The following ABRAXAS2 variants were observed in gnomAD, a reference collection of about 807,000 sequenced individuals.
The protein encoded by ABRAXAS2 is BRISC complex subunit Abraxas 2.
In ABRAXAS2, 23 loss-of-function variants were observed where a neutral mutation model predicts 49.0. That is an observed-to-expected ratio of 0.47 (90% CI 0.34 to 0.66). The LOEUF (loss-of-function observed/expected upper bound fraction) is 0.66. Ranked by LOEUF, ABRAXAS2 falls within the 30% of genes least tolerant of loss-of-function variation. The probability of loss-of-function intolerance (pLI) is 0.01; values close to 1 mark genes in which losing one functional copy is unlikely to be tolerated. For synonymous variants in ABRAXAS2, 168 were observed against 180.2 expected, an observed-to-expected ratio of 0.93 and a Z score of 0.54; for missense variants, 443 against 511.9, an observed-to-expected ratio of 0.87 and a Z score of 1.30.
At chr10:124,827,141 CA>C (rs904518729) in intron 5 of ABRAXAS2, among the ~76,000 whole-genome samples, 2 of 143,162 alleles carry the variant, frequency 1.4e-5, no homozygotes, top group Non-Finnish European at 3.0e-5. Flanking sequence ...TTCGTGACTT[CA>C]AAAATGTGCA....
chr10:124,817,303 G>T (rs1950830910), intron 3 of ABRAXAS2, among the ~76,000 whole-genome samples: 1 of 152,108 alleles, frequency 6.6e-6, no homozygotes, highest in South Asian at 2.1e-4. Context: ...AAGAAATAAA[G>T]GGAGAAACGT....
chr10:124,829,519 C>T, intron 7 of ABRAXAS2, 42 bp downstream of exon 7: 2 of 1,340,344 alleles, frequency 1.5e-6, no homozygotes, highest in South Asian at 1.3e-5. Context: ...TTTGTCTTGC[C>T]CAAAAGCTTT....
intron 2 of ABRAXAS2, among the ~76,000 whole-genome samples, chr10:124,808,790 A>G (rs1195528688): frequency 1.3e-5 from 2 of 152,188 alleles, no homozygotes; most frequent in Non-Finnish European, 2.9e-5. Flanking sequence ...GCCTGTTCAT[A>G]TGACTAAAAT....
chr10:124,833,626 C>A (rs975115480), intron 8 of ABRAXAS2, among the ~76,000 whole-genome samples: 4 of 152,196 alleles, frequency 2.6e-5, no homozygotes, highest in African/African-American at 9.7e-5. Flanking sequence ...CTGATACTTA[C>A]AATTTAGTTC....
intron 2 of ABRAXAS2, among the ~76,000 whole-genome samples, chr10:124,816,108 G>A (rs747452961): frequency 4.5e-4 from 68 of 151,686 alleles, no homozygotes; most frequent in Non-Finnish European, 8.7e-4. Context: ...TCACCATGTT[G>A]GCCAGACTGG....
chr10:124,803,520 T>C (rs761668244), intron 1 of ABRAXAS2, among the ~76,000 whole-genome samples: 1 of 152,242 alleles, frequency 6.6e-6, no homozygotes, highest in Non-Finnish European at 1.5e-5. Context: ...GTAAACTTTG[T>C]AGGCTTTGTA....
chr10:124,826,025 G>C (rs1950894195), intron 4 of ABRAXAS2, among the ~76,000 whole-genome samples: 1 of 152,184 alleles, frequency 6.6e-6, no homozygotes, highest in Admixed American at 6.5e-5. Flanking sequence ...TCATTAGCCA[G>C]TTTAGTTATG....
intron 2 of ABRAXAS2, among the ~76,000 whole-genome samples, chr10:124,816,302 A>G (rs900349493): frequency 2.0e-5 from 3 of 152,216 alleles, no homozygotes; most frequent in Non-Finnish European, 2.9e-5. Context: ...AAGGTACACA[A>G]TAGCTGCGTA....
chr10:124,828,918 A>G (rs1485260304), intron 6 of ABRAXAS2, 43 bp downstream of exon 6: 6 of 1,596,676 alleles, frequency 3.8e-6, no homozygotes, highest in East Asian at 2.2e-5. Flanking sequence ...TTTGTCAGCA[A>G]TATTTCTTTT....
intron 4 of ABRAXAS2, among the ~76,000 whole-genome samples, chr10:124,822,227 AG>A (rs1950866195): frequency 6.6e-6 from 1 of 152,198 alleles, no homozygotes. Context: ...CTTACAAAGA[AG>A]GAGAGAGGTT....
chr10:124,821,569 GAAA>G (rs552390065), intron 4 of ABRAXAS2, among the ~76,000 whole-genome samples: 1 of 146,660 alleles, frequency 6.8e-6, no homozygotes, highest in African/African-American at 2.5e-5. Flanking sequence ...CCCTGCCTTG[GAAA>G]AAAAAAAGAA....
intron 1 of ABRAXAS2, among the ~76,000 whole-genome samples, chr10:124,805,904 G>T (rs1007352266): frequency 6.6e-6 from 1 of 152,168 alleles, no homozygotes; most frequent in Non-Finnish European, 1.5e-5. Flanking sequence ...CTGTGCTTGT[G>T]CAGAACATGG....
chr10:124,826,931 G>A (rs1342675203), intron 5 of ABRAXAS2, 146 bp downstream of exon 5: 1 of 784,664 alleles, frequency 1.3e-6, no homozygotes, highest in Non-Finnish European at 2.0e-6. Flanking sequence ...GGCCAACATG[G>A]TGAAATTCAA....
intron 5 of ABRAXAS2, among the ~76,000 whole-genome samples, 169 bp from the exon 6 acceptor site, chr10:124,828,587 T>TG (rs1400135935): frequency 1.3e-5 from 2 of 152,032 alleles, no homozygotes; most frequent in East Asian, 3.9e-4. Context: ...AGGCTGGCGT[T>TG]GGTCTCGAAC....
chr10:124,817,441 C>A (rs1190777865), intron 3 of ABRAXAS2, among the ~76,000 whole-genome samples: 1 of 152,148 alleles, frequency 6.6e-6, no homozygotes, highest in African/African-American at 2.4e-5. Flanking sequence ...TCTTTCTCAG[C>A]CCCAAACCCT....
intron 1 of ABRAXAS2, among the ~76,000 whole-genome samples, chr10:124,802,229 G>A (rs1430853081): frequency 6.6e-6 from 1 of 152,168 alleles, no homozygotes; most frequent in African/African-American, 2.4e-5. Flanking sequence ...CTCCCTGAAA[G>A]TCAGGCTTCT....
chr10:124,824,302 G>T (rs1041629995), intron 4 of ABRAXAS2, among the ~76,000 whole-genome samples: 2 of 152,188 alleles, frequency 1.3e-5, no homozygotes, highest in Non-Finnish European at 2.9e-5. Context: ...TTGGGAGGCC[G>T]AGGCTGGCAG....
In ABRAXAS2 at chr10:124,829,086, C is replaced by T. The variant is rs146206933; in HGVS notation, c.578+211C>T. On this transcript the variant is annotated intron_variant, in intron 6 of 8. Transcript: ENST00000298492. Reference sequence around the variant, plus strand: ...GTTTACTTTTATGAATTTTTTAAATCATTTGCCACAATATTTTTTGTAATT... The same window carrying T: ...GTTTACTTTTATGAATTTTTTAAATTATTTGCCACAATATTTTTTGTAATT... Among the ~76,000 whole-genome samples, 15 of 152,280 alleles carry T rather than the reference C, an allele frequency of 9.9e-5. No homozygotes were observed. The East Asian group carries it at 1.2e-3, about 12-fold the overall frequency.
chr10:124,816,077 A>G (rs1038899763), intron 2 of ABRAXAS2, among the ~76,000 whole-genome samples: 14 of 151,690 alleles, frequency 9.2e-5, no homozygotes, highest in Admixed American at 3.3e-4. Context: ...TAATTTTTGT[A>G]TTTTTAGTAG....
Sources: allele counts gnomAD v4.1 joint callset (sites outside exome capture counted in the v4.1 genomes callset), GRCh38; gene constraint gnomAD v4.1.1; transcripts MANE v1.5; gene names NCBI Gene and HGNC (gene_info 2026-07-23, HGNC 2026-07-21).